TRABD2B: variants seen among roughly 807,000 people sequenced by gnomAD.
TRABD2B encodes the protein TraB domain containing 2B.
TRABD2B carries 14 observed loss-of-function variants against 40.1 expected under a neutral mutation model. The observed-to-expected ratio is 0.35, with a 90% CI of 0.23 to 0.55. TRABD2B has a LOEUF of 0.55. Ranked by LOEUF, TRABD2B falls within the 20% of genes least tolerant of loss-of-function variation. The pLI is 0.90. For missense variants in TRABD2B, 541 were observed against 648.6 expected (o/e 0.83, Z 1.80); for synonymous variants, 263 against 277.0 (o/e 0.95, Z 0.50).
At chr1:47,840,067 G>C (rs184153532) in intron 2 of TRABD2B, among the ~76,000 whole-genome samples, 2 of 152,144 alleles carry the variant, frequency 1.3e-5, no homozygotes, top group African/African-American at 4.8e-5. Flanking sequence ...GTGCAGCCCA[G>C]GGCCTAATGA....
chr1:47,768,666 G>A (rs1477495700), intron 6 of TRABD2B, among the ~76,000 whole-genome samples: 5 of 152,252 alleles, frequency 3.3e-5, no homozygotes, highest in African/African-American at 9.6e-5. Flanking sequence ...TACGTAGTTT[G>A]CATGGGTTTC....
At chr1:47,952,105 GAAGT>G (rs546930098) in intron 2 of TRABD2B, among the ~76,000 whole-genome samples, 36 of 152,312 alleles carry the variant, frequency 2.4e-4, no homozygotes, top group Middle Eastern at 6.8e-3. Flanking sequence ...GCAGTTGGGA[GAAGT>G]AAGCTACAGC....
At chr1:47,947,018 C>T (rs1645268503) in intron 2 of TRABD2B, among the ~76,000 whole-genome samples, 1 of 151,946 alleles carries the variant, frequency 6.6e-6, no homozygotes. Context: ...CTTTTCCATG[C>T]ATTTTACTCA....
chr1:47,859,957 G>A (rs943097499), intron 2 of TRABD2B, among the ~76,000 whole-genome samples: 10 of 152,200 alleles, frequency 6.6e-5, no homozygotes, highest in African/African-American at 2.4e-4. Context: ...AGCTCAGGGA[G>A]GTGACGTATC....
chr1:47,842,948 G>A (rs1329864873), intron 2 of TRABD2B, among the ~76,000 whole-genome samples: 1 of 152,178 alleles, frequency 6.6e-6, no homozygotes, highest in East Asian at 1.9e-4. Context: ...GCTGAGAACT[G>A]AAGGGGCTAA....
intron 2 of TRABD2B, among the ~76,000 whole-genome samples, chr1:47,971,756 T>G (rs1557688007): frequency 6.6e-6 from 1 of 152,208 alleles, no homozygotes; most frequent in African/African-American, 2.4e-5. Flanking sequence ...ACCAAAGACT[T>G]CCCATTCACC....
chr1:47,887,792 C>T (rs1205231593), intron 2 of TRABD2B, among the ~76,000 whole-genome samples: 1 of 152,142 alleles, frequency 6.6e-6, no homozygotes, highest in Non-Finnish European at 1.5e-5. Context: ...CTCCCAGAAC[C>T]GCCTTTAGTC....
chr1:47,887,181 G>A (rs951707826), intron 2 of TRABD2B, among the ~76,000 whole-genome samples: 4 of 152,036 alleles, frequency 2.6e-5, no homozygotes, highest in Admixed American at 2.0e-4. Flanking sequence ...AACACAATCC[G>A]CTCAACAATC....
chr1:47,957,819 G>C (rs948635647), intron 2 of TRABD2B, among the ~76,000 whole-genome samples: 1 of 152,174 alleles, frequency 6.6e-6, no homozygotes, highest in African/African-American at 2.4e-5. Flanking sequence ...CCCCAACCTA[G>C]CAACGCAGGC....
rs140248032 is a variant in TRABD2B, at chr1:47,930,779, C to T, written c.666+63255G>A. Among the ~76,000 whole-genome samples the T allele has an allele frequency of 1.4e-4, 21 of 152,290 alleles. No individual in the cohort carries two copies. In the East Asian group the frequency reaches 3.9e-3, roughly 28 times the overall value. ...CAGGGCTCTCTGTGGTTAGAACATG[C>T]TCATGTCCCTCCCTTTACAGACAGG... On this transcript the variant is annotated intron_variant, in intron 2 of 6. Coordinates refer to ENST00000606738, the MANE Select transcript of TRABD2B (RefSeq NM_001194986.2).
chr1:47,798,248 C>A (rs1644774794), intron 3 of TRABD2B, among the ~76,000 whole-genome samples: 1 of 152,210 alleles, frequency 6.6e-6, no homozygotes, highest in Non-Finnish European at 1.5e-5. Flanking sequence ...CTTGGTTTGA[C>A]CAGAACAGTC....
Position 47,996,586 on chromosome 1 carries a change from C to T in TRABD2B, c.102+102G>A, listed in dbSNP as rs2148470788. 8.6e-7 allele frequency: 1 copy of T among 1,159,096 alleles called. No individual in the cohort carries two copies. The highest frequency in any genetic ancestry group is 3.8e-5 in the East Asian group (1 of 26,512). 71.8% of individuals were successfully genotyped at this position (1,159,096 alleles called of 1,614,324 possible). ...CTGCGCCCGGGGGGTGGAGGTGGAG[C>T]GGGCGGGCTAAGGTGGGTGCGGAAG... On this transcript the variant is annotated intron_variant, in intron 1 of 6. Transcript: ENST00000606738. This position sits in a 1 kb window ranked among gnomAD's most constrained non-coding sequence, Gnocchi z 4.6.
chr1:47,989,488 C>T (rs1645968454), intron 2 of TRABD2B, among the ~76,000 whole-genome samples: 1 of 152,102 alleles, frequency 6.6e-6, no homozygotes, highest in African/African-American at 2.4e-5. Flanking sequence ...GGAGCTCTGA[C>T]TATAAACCAA....
chr1:47,883,112 T>C (rs1035204456), intron 2 of TRABD2B, among the ~76,000 whole-genome samples: 1 of 152,216 alleles, frequency 6.6e-6, no homozygotes, highest in African/African-American at 2.4e-5. Flanking sequence ...ATTTGTCTTA[T>C]CTTACCCACT....
chr1:47,922,055 C>A (rs1644908896), intron 2 of TRABD2B, among the ~76,000 whole-genome samples: 1 of 152,182 alleles, frequency 6.6e-6, no homozygotes, highest in Non-Finnish European at 1.5e-5. Context: ...TCAGGGCTGT[C>A]CATCTGCAAA....
intron 2 of TRABD2B, among the ~76,000 whole-genome samples, chr1:47,961,760 T>G (rs1310056424): frequency 6.6e-6 from 1 of 152,212 alleles, no homozygotes; most frequent in Non-Finnish European, 1.5e-5. Context: ...TTTACACTGT[T>G]GGTGGGACTG....
intron 2 of TRABD2B, among the ~76,000 whole-genome samples, chr1:47,987,294 A>G (rs1194022539): frequency 6.6e-6 from 1 of 152,172 alleles, no homozygotes; most frequent in Admixed American, 6.5e-5. Context: ...GTCTGTGTCC[A>G]TGAGCTGACA....
At chr1:47,898,175 A>C (rs1172967558) in intron 2 of TRABD2B, among the ~76,000 whole-genome samples, 3 of 152,200 alleles carry the variant, frequency 2.0e-5, no homozygotes, top group African/African-American at 7.2e-5. Context: ...AGGAATGTGG[A>C]GGAGGCAACT....
At chr1:47,861,306 T>C (rs999174210) in intron 2 of TRABD2B, among the ~76,000 whole-genome samples, 1 of 152,144 alleles carries the variant, frequency 6.6e-6, no homozygotes, top group Non-Finnish European at 1.5e-5. Flanking sequence ...GGTATGTTAT[T>C]GGCATCTAAT....
Sources: allele counts gnomAD v4.1 joint callset (sites outside exome capture counted in the v4.1 genomes callset), GRCh38; gene constraint gnomAD v4.1.1; non-coding constraint Gnocchi (gnomAD v3.1); transcripts MANE v1.5; gene names NCBI Gene and HGNC (gene_info 2026-07-23, HGNC 2026-07-21).